The following LRMDA variants were observed in gnomAD, a reference collection of about 807,000 sequenced individuals.
LRMDA encodes the protein leucine-rich melanocyte differentiation-associated protein.
Under a neutral mutation model 29.8 loss-of-function variants are expected in LRMDA, and 18 were observed. That is an observed-to-expected ratio of 0.60 (90% CI 0.42 to 0.90). The LOEUF (loss-of-function observed/expected upper bound fraction) is 0.90. Among genes scored for constraint, LRMDA ranks in the 40% least tolerant of loss-of-function variants. The probability of loss-of-function intolerance (pLI) is 0.00; values close to 1 mark genes in which losing one functional copy is unlikely to be tolerated. For missense variants in LRMDA, 273 were observed against 273.9 expected (o/e 1.00, Z 0.02); for synonymous variants, 125 against 109.4 (o/e 1.14, Z -0.89).
chr10:76,303,212 T>C (rs964323996), intron 5 of LRMDA, among the ~76,000 whole-genome samples: 3 of 94,118 alleles, frequency 3.2e-5, no homozygotes, highest in African/African-American at 8.7e-5. Flanking sequence ...CACTCCTCCC[T>C]TTTTTTTTTT....
chr10:75,777,550 C>G (rs1024778065), intron 2 of LRMDA, among the ~76,000 whole-genome samples: 3 of 152,252 alleles, frequency 2.0e-5, no homozygotes. Flanking sequence ...TCTTCAGAAT[C>G]TGTTTAGGTG....
chr10:76,088,797 A>G (rs1849182601), intron 5 of LRMDA, among the ~76,000 whole-genome samples: 2 of 152,180 alleles, frequency 1.3e-5, no homozygotes, highest in Admixed American at 6.5e-5. Flanking sequence ...TCAAGCTTCA[A>G]GATTTCCTTC....
intron 6 of LRMDA, among the ~76,000 whole-genome samples, chr10:76,363,154 AAAGAAAGAAAGAAAGAAAGAAAGG>A (rs1257710181): frequency 4.5e-4 from 18 of 39,910 alleles, no homozygotes; most frequent in Non-Finnish European, 6.9e-4. Context: ...AGAAAGAAAG[AAAGAAAGAAAGAAAGAAAGAAAGG>A]AGGGAGGGAG....
rs545745192 is a variant in LRMDA, at chr10:76,326,175, G to A, written c.601+1690G>A. ...CGTTCTTTGGGCTGATGGCCATAAG[G>A]AGACCAATAGAGAGAAGACCGAAGA... On this transcript the variant is annotated intron_variant, in intron 6 of 6. Transcript: ENST00000611255. 5.9e-5 allele frequency among the ~76,000 whole-genome samples: 9 copies of A among 152,268 alleles called. 1 individual carries two copies. The highest frequency in any genetic ancestry group is 2.2e-4 in the African/African-American group (9 of 41,566).
chr10:75,979,046 A>G (rs1227370491), intron 2 of LRMDA, among the ~76,000 whole-genome samples: 2 of 152,184 alleles, frequency 1.3e-5, no homozygotes. Flanking sequence ...TGGCATTAAT[A>G]ATAGTACCCA....
At chr10:76,051,996 A>G (rs984076691) in intron 4 of LRMDA, among the ~76,000 whole-genome samples, 1 of 152,218 alleles carries the variant, frequency 6.6e-6, no homozygotes, top group Non-Finnish European at 1.5e-5. Flanking sequence ...AGCATGAGGT[A>G]ACCAGTGCTA....
chr10:76,348,880 G>A (rs1287499520), intron 6 of LRMDA, among the ~76,000 whole-genome samples: 2 of 152,170 alleles, frequency 1.3e-5, no homozygotes, highest in Non-Finnish European at 2.9e-5. Context: ...TGGATAATGG[G>A]GACAAATGGG....
chr10:76,351,616 A>C (rs1225832424), intron 6 of LRMDA, among the ~76,000 whole-genome samples: 1 of 151,304 alleles, frequency 6.6e-6, no homozygotes, highest in Non-Finnish European at 1.5e-5. Flanking sequence ...AATGTTATGC[A>C]CCCACCCCTT....
chr10:76,012,094 G>A (rs1023763773), intron 2 of LRMDA, among the ~76,000 whole-genome samples: 4 of 152,184 alleles, frequency 2.6e-5, no homozygotes, highest in African/African-American at 7.2e-5. Context: ...AGAATGGCTT[G>A]GAGAGGAGCA....
intron 6 of LRMDA, among the ~76,000 whole-genome samples, chr10:76,549,610 C>G (rs1843470101): frequency 6.6e-6 from 1 of 152,150 alleles, no homozygotes; most frequent in Non-Finnish European, 1.5e-5. Context: ...AGTTTAGACC[C>G]TATCATGCAC....
At chr10:75,556,123 C>T (rs1262753429) in intron 2 of LRMDA, among the ~76,000 whole-genome samples, 2 of 151,810 alleles carry the variant, frequency 1.3e-5, no homozygotes, top group Non-Finnish European at 2.9e-5. Flanking sequence ...CTGAAAATAT[C>T]CCAAATTTGA....
chr10:76,073,216 G>A (rs1352242516), intron 5 of LRMDA, among the ~76,000 whole-genome samples: 2 of 151,986 alleles, frequency 1.3e-5, no homozygotes, highest in Non-Finnish European at 2.9e-5. Context: ...ACAATGTTAT[G>A]GTTTCATTAA....
chr10:75,725,049 A>T (rs1489103319), intron 2 of LRMDA, among the ~76,000 whole-genome samples: 5 of 152,260 alleles, frequency 3.3e-5, no homozygotes, highest in Non-Finnish European at 7.3e-5. Context: ...CGTTATTCAT[A>T]AACCATATCA....
chr10:75,689,331 T>G (rs1171350508), intron 2 of LRMDA, among the ~76,000 whole-genome samples: 1 of 152,194 alleles, frequency 6.6e-6, no homozygotes, highest in Non-Finnish European at 1.5e-5. Flanking sequence ...GTTTGAGGGT[T>G]ATTTGTGGAT....
rs530925826 is a variant in LRMDA at position 75,877,025 on chromosome 10, T to C, written c.132-158983T>C. 7.2e-5 allele frequency among the ~76,000 whole-genome samples: 11 copies of C among 152,210 alleles called. No individual in the cohort carries two copies. The South Asian group carries it at 2.3e-3, about 32-fold the overall frequency. ...TAGAACCCCTGCTGTCCACCACTCA[T>C]AGGAGGGGCAGGGATTGTTGTCTGT... On this transcript the variant is annotated intron_variant, in intron 2 of 6. Coordinates refer to ENST00000611255, the MANE Select transcript of LRMDA (RefSeq NM_001305581.2).
At chr10:76,009,934 A>C (rs573677523) in intron 2 of LRMDA, among the ~76,000 whole-genome samples, 3 of 151,906 alleles carry the variant, frequency 2.0e-5, no homozygotes, top group Non-Finnish European at 4.4e-5. Context: ...GTGAGCCTCA[A>C]AGAGATGCCG....
At chr10:75,828,315 G>A (rs1564579347) in intron 2 of LRMDA, among the ~76,000 whole-genome samples, 1 of 152,130 alleles carries the variant, frequency 6.6e-6, no homozygotes, top group African/African-American at 2.4e-5. Context: ...TGAAAAGAAA[G>A]TTCAACCAGG....
chr10:75,636,530 A>G (rs2132116398), intron 2 of LRMDA, among the ~76,000 whole-genome samples: 1 of 152,308 alleles, frequency 6.6e-6, no homozygotes, highest in East Asian at 1.9e-4. Flanking sequence ...ATTATAGGTG[A>G]TTTTAATTGC....
In LRMDA at chr10:76,557,578, C is replaced by G. The variant is rs1185103566; in HGVS notation, c.*290C>G. The G allele has an allele frequency of 2.2e-6, 1 of 457,610 alleles. No individual in the cohort carries two copies. The allele number at this position is 457,610 out of a possible 1,614,324, so 28.3% of individuals were successfully genotyped here. A position where few individuals can be genotyped will look rare whatever the true frequency, so the allele number is the denominator to read the frequency against. On this transcript the variant is annotated 3_prime_UTR_variant, in exon 7 of 7. Transcript: ENST00000611255. ...GCAACAGGGCTGACAGCATGAACAC[C>G]ATGATAGATTGCCTGGTCCTGCCAC...
Sources: allele counts gnomAD v4.1 joint callset (sites outside exome capture counted in the v4.1 genomes callset), GRCh38; gene constraint gnomAD v4.1.1; transcripts MANE v1.5; gene names NCBI Gene and HGNC (gene_info 2026-07-23, HGNC 2026-07-21).